The following CARD8 variants were observed in gnomAD, a reference collection of about 807,000 sequenced individuals.
CARD8 encodes the protein caspase recruitment domain family member 8, also known as caspase recruitment domain-containing protein 8.
In CARD8, 38 loss-of-function variants were observed where a neutral mutation model predicts 53.2. The ratio of observed to expected loss-of-function variants is 0.71; its 90% CI spans 0.55 to 0.94. The LOEUF (loss-of-function observed/expected upper bound fraction) is 0.94. CARD8 is among the 40% of genes least tolerant of loss of function. CARD8 has a pLI of 0.00. For synonymous variants in CARD8, 245 were observed against 244.9 expected (o/e 1.00, Z 0.00); for missense variants, 561 against 655.5 (o/e 0.86, Z 1.57).
chr19:48,248,732 T>C (rs2046512527), intron 3 of CARD8, among the ~76,000 whole-genome samples: 1 of 152,098 alleles, frequency 6.6e-6, no homozygotes, highest in African/African-American at 2.4e-5. Context: ...GACAAGAAAA[T>C]GCATATAAAA....
chr19:48,206,812 A>G (rs985758141), downstream of CARD8, among the ~76,000 whole-genome samples: 20 of 152,216 alleles, frequency 1.3e-4, no homozygotes, highest in African/African-American at 4.6e-4. Context: ...CCACACACCA[A>G]GAACCCTAAC....
At chr19:48,218,482 G>A (rs1031401631) in intron 12 of CARD8, among the ~76,000 whole-genome samples, 5 of 150,452 alleles carry the variant, frequency 3.3e-5, no homozygotes, top group African/African-American at 9.8e-5. Flanking sequence ...AGCCTCCCAC[G>A]TAGCCAGGAC....
At chr19:48,214,477 A>T (rs2038769394) in intron 13 of CARD8, among the ~76,000 whole-genome samples, 1 of 152,186 alleles carries the variant, frequency 6.6e-6, no homozygotes, top group Admixed American at 6.6e-5. Context: ...TAACTGGCCT[A>T]TAACCTCTTA....
intron 10 of CARD8, among the ~76,000 whole-genome samples, chr19:48,223,531 A>G (rs888836148): frequency 1.3e-5 from 2 of 152,216 alleles, no homozygotes; most frequent in African/African-American, 4.8e-5. Flanking sequence ...CCGAAGGGTC[A>G]AAAGAAACTG....
At chr19:48,252,989 G>A (rs1156764973) in intron 1 of CARD8, among the ~76,000 whole-genome samples, 1 of 152,074 alleles carries the variant, frequency 6.6e-6, no homozygotes, top group Admixed American at 6.5e-5. Flanking sequence ...GGCACTTCTT[G>A]TATTCATTCC....
At chr19:48,219,256 T>C (rs77868916) in intron 11 of CARD8, among the ~76,000 whole-genome samples, 1 of 152,304 alleles carries the variant, frequency 6.6e-6, no homozygotes, top group East Asian at 1.9e-4. Flanking sequence ...CTATCTGAGC[T>C]ACCAACTGAA....
In CARD8 at chr19:48,254,611, G is replaced by T. The variant is rs142438267; in HGVS notation, c.-252+1181C>A. Among the ~76,000 whole-genome samples the T allele has an allele frequency of 7.9e-5, 12 of 152,186 alleles. No homozygotes were observed. In the East Asian group the frequency reaches 2.3e-3, roughly 29 times the overall value. ...CTAAAAACACAAAAACAATTAGCTG[G>T]GTGTGGTGGTGGGCACCTGTAGTCG... On this transcript the variant is annotated intron_variant, in intron 1 of 13. Coordinates refer to ENST00000651546, the MANE Select transcript of CARD8 (RefSeq NM_001184900.3).
chr19:48,240,787 C>T (rs923352667), intron 4 of CARD8, among the ~76,000 whole-genome samples, 175 bp downstream of exon 4: 3 of 150,282 alleles, frequency 2.0e-5, no homozygotes, highest in Non-Finnish European at 3.0e-5. Context: ...AAAAAAAGTA[C>T]ACCTGGGTGC....
At position 48,217,216 on chromosome 19, in the gene CARD8, G is replaced by A. The variant is rs12981982; in HGVS notation, c.1303+1655C>T. On this transcript the variant is annotated intron_variant, in intron 12 of 13. Coordinates refer to ENST00000651546, the MANE Select transcript of CARD8 (RefSeq NM_001184900.3). ...TCCACTCACCTCCTCTGTGCAACCCGGTTTCTAACGGGCCACAGACCGGTA... is the reference window on the plus strand; with the variant it reads ...TCCACTCACCTCCTCTGTGCAACCCAGTTTCTAACGGGCCACAGACCGGTA... 6.9e-3 allele frequency among the ~76,000 whole-genome samples: 1,057 copies of A among 152,240 alleles called. 13 individuals are homozygous for A. The highest frequency in any genetic ancestry group is 0.058 in the Middle Eastern group (17 of 294).
chr19:48,237,397 C>T (rs1488347367), intron 5 of CARD8, among the ~76,000 whole-genome samples: 1 of 151,962 alleles, frequency 6.6e-6, no homozygotes, highest in Non-Finnish European at 1.5e-5. Flanking sequence ...GGGATATGCC[C>T]CCTTGATCCA....
chr19:48,220,959 AAGGAAGGAAGG>A (rs2040422474), intron 11 of CARD8, among the ~76,000 whole-genome samples: 1 of 77,900 alleles, frequency 1.3e-5, no homozygotes, highest in Non-Finnish European at 2.7e-5. Context: ...AAAGGAAAGG[AAGGAAGGAAGG>A]AAGGAAGGAA....
At position 48,215,392 on chromosome 19, in the gene CARD8, A is replaced by T; in HGVS notation, c.1304-8T>A. 6.2e-7 allele frequency: 1 copy of T among 1,602,138 alleles called. No homozygotes were observed. The highest frequency in any genetic ancestry group is 8.6e-7 in the Non-Finnish European group (1 of 1,169,440). On this transcript the variant is annotated splice_region_variant and splice_polypyrimidine_tract_variant and intron_variant, in intron 12 of 13. Coordinates refer to ENST00000651546, the MANE Select transcript of CARD8 (RefSeq NM_001184900.3). ...CTACAAGCTGGAGATCCACTACAAA[A>T]GAGGGAAAAATTATATGATGAGATG...
downstream of CARD8, among the ~76,000 whole-genome samples, chr19:48,206,713 C>G (rs558334499): frequency 6.6e-6 from 1 of 150,564 alleles, no homozygotes; most frequent in East Asian, 1.9e-4. Context: ...CACTCCGACT[C>G]TGGAGTGTAC....
chr19:48,231,611 T>C, intron 8 of CARD8, 49 bp downstream of exon 8: 1 of 1,536,008 alleles, frequency 6.5e-7, no homozygotes, highest in African/African-American at 1.4e-5. Flanking sequence ...CCTACACACT[T>C]CCTTTATATC....
downstream of CARD8, among the ~76,000 whole-genome samples, chr19:48,205,645 C>A (rs554182957): frequency 1.5e-4 from 23 of 152,174 alleles, no homozygotes; most frequent in African/African-American, 5.5e-4. Flanking sequence ...ACTGTCACAC[C>A]CCCATTTTAC....
At chr19:48,247,693 C>T (rs1032949417) in intron 3 of CARD8, among the ~76,000 whole-genome samples, 2 of 151,194 alleles carry the variant, frequency 1.3e-5, no homozygotes, top group African/African-American at 2.4e-5. Flanking sequence ...AAAACCTCCA[C>T]CTAAAATTTT....
intron 7 of CARD8, among the ~76,000 whole-genome samples, 181 bp downstream of exon 7, chr19:48,232,272 C>T (rs1318597386): frequency 6.6e-6 from 1 of 152,214 alleles, no homozygotes; most frequent in Admixed American, 6.5e-5. Flanking sequence ...TGAGCATTTC[C>T]ATGCCCCAGC....
intron 5 of CARD8, among the ~76,000 whole-genome samples, chr19:48,235,991 T>C (rs189803588): frequency 4.9e-4 from 75 of 151,614 alleles, no homozygotes; most frequent in Admixed American, 2.4e-3. Flanking sequence ...AGAGCAAAAA[T>C]CCTGAATATT....
chr19:48,232,413 A>G, intron 7 of CARD8, 40 bp downstream of exon 7: 3 of 1,507,560 alleles, frequency 2.0e-6, no homozygotes, highest in South Asian at 1.2e-5. Context: ...ATTTCCATCA[A>G]TCCACACGCC....
Sources: gnomAD v4.1 joint callset for allele counts (sites outside exome capture counted in the v4.1 genomes callset) on GRCh38, gnomAD v4.1.1 for gene constraint, MANE v1.5 for transcripts, NCBI Gene and HGNC (gene_info 2026-07-23, HGNC 2026-07-21) for gene names.